The following CDH13 variants were observed in gnomAD, a reference collection of about 807,000 sequenced individuals.
The protein encoded by CDH13 is cadherin-13.
In CDH13, 24 loss-of-function variants were observed where a neutral mutation model predicts 63.8. The ratio of observed to expected loss-of-function variants is 0.38; its 90% confidence interval spans 0.27 to 0.53. CDH13 has a LOEUF of 0.53. Among genes scored for constraint, CDH13 ranks in the 20% least tolerant of loss-of-function variants. The pLI is 0.85. For synonymous variants in CDH13, 503 were observed against 355.3 expected (o/e 1.42, Z -4.67); for missense variants, 1,049 against 903.1 (o/e 1.16, Z -2.07).
chr16:83,256,545 C>T (rs1319179094), intron 5 of CDH13, among the ~76,000 whole-genome samples: 1 of 151,704 alleles, frequency 6.6e-6, no homozygotes, highest in African/African-American at 2.4e-5. Flanking sequence ...CAAGAAGTTT[C>T]CAGTGGCCAG....
intron 5 of CDH13, among the ~76,000 whole-genome samples, chr16:83,244,963 G>T (rs899218498): frequency 1.3e-5 from 2 of 152,008 alleles, no homozygotes; most frequent in Non-Finnish European, 2.9e-5. Flanking sequence ...CTATTTGTAC[G>T]GTTTAGGCAC....
intron 4 of CDH13, among the ~76,000 whole-genome samples, chr16:83,136,516 C>T (rs940470091): frequency 6.7e-5 from 10 of 148,806 alleles, no homozygotes; most frequent in African/African-American, 2.2e-4. Flanking sequence ...AAGAAATAGA[C>T]TTCACTAGAG....
intron 2 of CDH13, among the ~76,000 whole-genome samples, chr16:82,967,660 C>A (rs911203074): frequency 1.8e-5 from 2 of 113,926 alleles, no homozygotes; most frequent in Non-Finnish European, 4.0e-5. Context: ...AGAACAGAGA[C>A]CCCCCCAGCC....
chr16:82,688,673 A>G (rs192627312), intron 1 of CDH13, among the ~76,000 whole-genome samples: 10 of 152,378 alleles, frequency 6.6e-5, no homozygotes, highest in Admixed American at 6.5e-4. Flanking sequence ...AGAAATAAAG[A>G]TCCGAGGATG....
chr16:83,556,029 G>A (rs1349142438), intron 7 of CDH13, among the ~76,000 whole-genome samples: 1 of 152,126 alleles, frequency 6.6e-6, no homozygotes, highest in African/African-American at 2.4e-5. Flanking sequence ...CTTTCCCAGT[G>A]ACTCAAACTA....
intron 8 of CDH13, among the ~76,000 whole-genome samples, chr16:83,662,290 T>C (rs1475321282): frequency 6.6e-6 from 1 of 152,244 alleles, no homozygotes; most frequent in Non-Finnish European, 1.5e-5. Context: ...TAGACCTTTC[T>C]GTCACTGTCC....
At chr16:82,990,355 C>T (rs894522504) in intron 2 of CDH13, 1 of 152,230 alleles carries the variant, frequency 6.6e-6, no homozygotes. Context: ...GAATACATTA[C>T]TGTGGTTCCC....
intron 10 of CDH13, among the ~76,000 whole-genome samples, chr16:83,740,266 G>A (rs895075750): frequency 2.0e-5 from 3 of 151,944 alleles, no homozygotes; most frequent in Non-Finnish European, 2.9e-5. Flanking sequence ...TACCCCATGG[G>A]AAGTCATTGG....
Position 83,214,519 on chromosome 16 carries a change from G to T in CDH13, c.484-2826G>T, listed in dbSNP as rs1262489218. ...CACTTGAACCTGGGAGGCGGAGGTT[G>T]CAGTGAGCCGAAATTGCACCACTGC... On this transcript the variant is annotated intron_variant, in intron 4 of 13. Coordinates refer to ENST00000567109, the MANE Select transcript of CDH13 (RefSeq NM_001257.5). Among the ~76,000 whole-genome samples, 5 of 129,646 alleles carry T rather than the reference G, an allele frequency of 3.9e-5. No homozygotes were observed. The East Asian group carries it at 9.6e-4, about 25-fold the overall frequency. The allele number at this position is 129,646 out of a possible 152,430, so 85.1% of individuals were successfully genotyped here. A position where few individuals can be genotyped will look rare whatever the true frequency, so the allele number is the denominator to read the frequency against.
chr16:82,683,309 T>C (rs112718201), intron 1 of CDH13, among the ~76,000 whole-genome samples: 82 of 152,302 alleles, frequency 5.4e-4, no homozygotes, highest in African/African-American at 1.8e-3. Flanking sequence ...CTTGTCTGCT[T>C]ATCACCCCAA....
rs543220411 is a variant in CDH13 at position 83,694,040 on chromosome 16, C to G, written c.1538+15579C>G. Among the ~76,000 whole-genome samples the G allele has an allele frequency of 2.6e-5, 4 of 152,288 alleles. No individual in the cohort carries two copies. The South Asian group carries it at 8.3e-4, about 32-fold the overall frequency. Reference sequence around the variant, plus strand: ...TGTCAGGATTCATGGTCACAAGCAACAGAAACCAGCATGGGCTATGTTAGG... The same window carrying G: ...TGTCAGGATTCATGGTCACAAGCAAGAGAAACCAGCATGGGCTATGTTAGG... On this transcript the variant is annotated intron_variant, in intron 10 of 13. Transcript: ENST00000567109.
At chr16:83,317,715 G>A (rs886677027) in intron 5 of CDH13, among the ~76,000 whole-genome samples, 5 of 151,740 alleles carry the variant, frequency 3.3e-5, no homozygotes, top group Non-Finnish European at 5.9e-5. Context: ...CAGGAGAATC[G>A]CTTGAACCCG....
At chr16:83,731,034 C>T (rs113330452) in intron 10 of CDH13, among the ~76,000 whole-genome samples, 1 of 152,286 alleles carries the variant, frequency 6.6e-6, no homozygotes. Context: ...ATGGTATACA[C>T]GCACTGCATT....
chr16:82,666,904 A>C (rs1912651761), intron 1 of CDH13, among the ~76,000 whole-genome samples: 2 of 152,142 alleles, frequency 1.3e-5, no homozygotes, highest in South Asian at 4.2e-4. Flanking sequence ...ATGGGTGACA[A>C]TTACAACAGA....
rs541278595 is a variant in CDH13 at position 83,176,793 on chromosome 16, C to G, written c.484-40552C>G. The stretch of plus-strand genomic sequence containing the variant: ...AGGCAGAAGTTTAATCCCTAAGGAC[C>G]CTTCTAATTCCAAAGTTGTCTGAGT... On this transcript the variant is annotated intron_variant, in intron 4 of 13. Transcript: ENST00000567109. Among the ~76,000 whole-genome samples the G allele has an allele frequency of 7.9e-5, 12 of 152,058 alleles. No homozygotes were observed. The South Asian group carries it at 1.2e-3, about 16-fold the overall frequency.
At chr16:83,334,088 C>A (rs1447650266) in intron 5 of CDH13, among the ~76,000 whole-genome samples, 2 of 152,060 alleles carry the variant, frequency 1.3e-5, no homozygotes, top group African/African-American at 4.8e-5. Context: ...ACATTCCTGG[C>A]CTCATGGTAC....
chr16:83,262,805 G>T (rs759841558), intron 5 of CDH13, among the ~76,000 whole-genome samples: 2 of 152,200 alleles, frequency 1.3e-5, no homozygotes, highest in Admixed American at 6.5e-5. Context: ...AATATTTGGG[G>T]TGGTTTCAAT....
intron 7 of CDH13, among the ~76,000 whole-genome samples, chr16:83,495,905 C>T (rs2074130661): frequency 6.6e-6 from 1 of 152,052 alleles, no homozygotes; most frequent in African/African-American, 2.4e-5. Context: ...AACTCCCATT[C>T]ACAATTGCTT....
At chr16:83,679,577 G>A (rs1259146025) in intron 10 of CDH13, among the ~76,000 whole-genome samples, 2 of 152,188 alleles carry the variant, frequency 1.3e-5, no homozygotes, top group Non-Finnish European at 1.5e-5. Context: ...AGACAAGCGT[G>A]TGAAATAATA....
Sources: allele counts gnomAD v4.1 joint callset (sites outside exome capture counted in the v4.1 genomes callset), GRCh38; gene constraint gnomAD v4.1.1; transcripts MANE v1.5; gene names NCBI Gene and HGNC (gene_info 2026-07-23, HGNC 2026-07-21).